Variants in CSMD1 observed in about 807,000 individuals in gnomAD.
CSMD1 encodes the protein CUB and Sushi multiple domains 1.
A neutral mutation model predicts 417.5 loss-of-function variants in CSMD1; 213 were observed. The ratio of observed to expected loss-of-function variants is 0.51; its 90% CI spans 0.46 to 0.57. CSMD1 has a LOEUF of 0.57. Ranked by LOEUF, CSMD1 falls within the 20% of genes least tolerant of loss-of-function variation. The pLI is 0.00. For missense variants in CSMD1, 6,923 were observed against 4,529.7 expected, an observed-to-expected ratio of 1.53 and a Z score of -15.17; for synonymous variants, 2,862 against 1,736.8, an observed-to-expected ratio of 1.65 and a Z score of -16.11.
chr8:3,399,140 C>A (rs988264625), intron 16 of CSMD1, among the ~76,000 whole-genome samples: 1 of 152,136 alleles, frequency 6.6e-6, no homozygotes, highest in African/African-American at 2.4e-5. Flanking sequence ...ATACAAGGGT[C>A]GGACCTCGGG....
intron 2 of CSMD1, among the ~76,000 whole-genome samples, chr8:4,620,959 GA>G (rs1369969267): frequency 6.6e-6 from 1 of 151,704 alleles, no homozygotes; most frequent in Non-Finnish European, 1.5e-5. Context: ...AAAAAATCAA[GA>G]AAATTGGCAA....
At chr8:4,347,619 T>G (rs977141958) in intron 3 of CSMD1, among the ~76,000 whole-genome samples, 3 of 152,194 alleles carry the variant, frequency 2.0e-5, no homozygotes, top group Non-Finnish European at 4.4e-5. Context: ...GCTCTGAGTC[T>G]TCTAGTGCAA....
At chr8:3,180,849 G>C (rs534087157) in intron 37 of CSMD1, among the ~76,000 whole-genome samples, 2 of 151,814 alleles carry the variant, frequency 1.3e-5, no homozygotes, top group East Asian at 3.9e-4. Context: ...TCTCCGTGTT[G>C]GACAGCCTGG....
chr8:3,997,893 C>A lies in CSMD1; in HGVS notation c.818+10G>T, dbSNP rs182868860. 6.2e-7 allele frequency: 1 copy of A among 1,608,094 alleles called. No homozygotes were observed. Among genetic ancestry groups the A allele is most frequent in the South Asian group, 1.1e-5 (1 of 89,720 alleles). On this transcript the variant is annotated intron_variant, in intron 5 of 69. Transcript: ENST00000635120. The stretch of plus-strand genomic sequence containing the variant: ...CTGTATCCTTTGTGGCATCTCTTCC[C>A]GGGACTTACCATATGGATGGAGCTT...
intron 3 of CSMD1, among the ~76,000 whole-genome samples, chr8:4,339,935 G>T (rs1046918236): frequency 2.6e-5 from 4 of 152,042 alleles, no homozygotes; most frequent in African/African-American, 9.7e-5. Context: ...TGAGGCAAGA[G>T]GATCACTTGA....
chr8:4,799,598 C>CA (rs1168273531), intron 1 of CSMD1, among the ~76,000 whole-genome samples: 24 of 47,168 alleles, frequency 5.1e-4, no homozygotes, highest in African/African-American at 2.3e-3. Flanking sequence ...GACTCCGTCT[C>CA]AAAAAAAAAA....
intron 12 of CSMD1, among the ~76,000 whole-genome samples, chr8:3,463,738 C>T (rs910972407): frequency 6.6e-6 from 1 of 152,170 alleles, no homozygotes; most frequent in Non-Finnish European, 1.5e-5. Flanking sequence ...CATGCCAGTA[C>T]AACCACGCAA....
rs1798648828 is a variant in CSMD1 at position 3,772,476 on chromosome 8, TATACATATATACAC to T, written c.819-18448_819-18435del. Among the ~76,000 whole-genome samples, 13 of 34,406 alleles carry T rather than the reference TATACATATATACAC, an allele frequency of 3.8e-4. 1 individual carries two copies. Among genetic ancestry groups the T allele is most frequent in the Non-Finnish European group, 2.3e-4 (4 of 17,150 alleles). 22.6% of individuals were successfully genotyped at this position (34,406 alleles called of 152,430 possible). Reference sequence around the variant, plus strand: ...ATATATATACATATATACACATATATATACATATATACACATATATACATATATACACATATATA... The same window carrying T: ...ATATATATACATATATACACATATATATATATACATATATACACATATATA... On this transcript the variant is annotated intron_variant, in intron 5 of 69. Coordinates refer to ENST00000635120, the MANE Select transcript of CSMD1 (RefSeq NM_033225.6).
At chr8:4,936,514 G>T (rs4366098) in intron 1 of CSMD1, among the ~76,000 whole-genome samples, 143,960 of 152,246 alleles carry the variant, frequency 0.95, 68,452 homozygotes, top group East Asian at 1. Flanking sequence ...CACTTCTATT[G>T]GATGGATTGT....
At chr8:4,752,385 C>T (rs769604502) in intron 1 of CSMD1, among the ~76,000 whole-genome samples, 1 of 152,124 alleles carries the variant, frequency 6.6e-6, no homozygotes, top group Non-Finnish European at 1.5e-5. Context: ...AACAAAAGCT[C>T]TGAATTTCTG....
chr8:3,713,383 G>A (rs984343185), intron 6 of CSMD1, among the ~76,000 whole-genome samples: 2 of 152,110 alleles, frequency 1.3e-5, no homozygotes, highest in Admixed American at 6.5e-5. Context: ...TGTAAGAAGT[G>A]AATACAACTA....
intron 12 of CSMD1, among the ~76,000 whole-genome samples, chr8:3,447,027 C>T (rs1815348866): frequency 6.6e-6 from 1 of 152,128 alleles, no homozygotes; most frequent in Admixed American, 6.6e-5. Flanking sequence ...ATTTCATTTT[C>T]AGGAAGACAG....
chr8:3,765,378 G>A (rs1584962814), intron 5 of CSMD1, among the ~76,000 whole-genome samples: 1 of 152,068 alleles, frequency 6.6e-6, no homozygotes, highest in Non-Finnish European at 1.5e-5. Context: ...GTCTTTAATA[G>A]ACTTAACCAC....
At chr8:4,775,411 T>G (rs181392542) in intron 1 of CSMD1, among the ~76,000 whole-genome samples, 7 of 151,924 alleles carry the variant, frequency 4.6e-5, no homozygotes, top group Non-Finnish European at 7.4e-5. Flanking sequence ...TTCCATGAAG[T>G]ATACAATAAA....
At chr8:3,849,277 G>A (rs533955163) in intron 5 of CSMD1, among the ~76,000 whole-genome samples, 6 of 152,224 alleles carry the variant, frequency 3.9e-5, no homozygotes, top group African/African-American at 1.4e-4. Flanking sequence ...GCATGTGAAT[G>A]TGCACAGACA....
At chr8:3,777,031 T>A (rs1395906017) in intron 5 of CSMD1, among the ~76,000 whole-genome samples, 3 of 151,774 alleles carry the variant, frequency 2.0e-5, no homozygotes, top group Admixed American at 2.0e-4. Context: ...CTGGAGGATT[T>A]AAAGACAATG....
intron 5 of CSMD1, among the ~76,000 whole-genome samples, chr8:3,766,362 A>C (rs999907786): frequency 5.9e-5 from 9 of 152,204 alleles, no homozygotes; most frequent in African/African-American, 2.2e-4. Flanking sequence ...GATCCAAGTC[A>C]GTGACCTGGA....
intron 6 of CSMD1, among the ~76,000 whole-genome samples, chr8:3,734,700 G>C (rs1489262651): frequency 1.3e-5 from 2 of 152,174 alleles, no homozygotes; most frequent in Non-Finnish European, 2.9e-5. Context: ...GACAGAGTGA[G>C]ATTTTGTCTC....
intron 3 of CSMD1, among the ~76,000 whole-genome samples, chr8:4,043,087 G>C (rs1797975963): frequency 6.6e-6 from 1 of 151,948 alleles, no homozygotes. Context: ...AGCGGAAATT[G>C]CACCACTGCA....
Sources: gnomAD v4.1 joint callset for allele counts (sites outside exome capture counted in the v4.1 genomes callset) on GRCh38, gnomAD v4.1.1 for gene constraint, MANE v1.5 for transcripts, NCBI Gene and HGNC (gene_info 2026-07-23, HGNC 2026-07-21) for gene names.